Variants in INF2 observed in about 807,000 individuals in gnomAD.
INF2 encodes inverted formin 2, also known as inverted formin-2.
INF2 carries 43 observed loss-of-function variants against 123.5 expected under a neutral mutation model. The observed-to-expected ratio is 0.35, with a 90% CI of 0.27 to 0.45. The LOEUF (loss-of-function observed/expected upper bound fraction) is 0.45, where lower values mean the gene tolerates loss of function less well. Among genes scored for constraint, INF2 ranks in the 20% least tolerant of loss-of-function variants. The pLI is 1.00. For missense variants in INF2, 1,453 were observed against 1,682.7 expected (o/e 0.86, Z 2.39); for synonymous variants, 851 against 745.0 (o/e 1.14, Z -2.32).
At chr14:104,711,499 GA>G (rs1284631800) in intron 15 of INF2, 129 bp from the exon 16 acceptor site, 9 of 810,856 alleles carry the variant, frequency 1.1e-5, no homozygotes, top group Non-Finnish European at 1.9e-5. Context: ...GGAAAGATTT[GA>G]GGGTCTGGAG....
intron 5 of INF2, among the ~76,000 whole-genome samples, chr14:104,705,256 A>G (rs751728739): frequency 3.9e-5 from 6 of 152,168 alleles, no homozygotes; most frequent in Non-Finnish European, 7.4e-5. Flanking sequence ...ATCTCTACTA[A>G]AAGTACAAAA....
intron 1 of INF2, among the ~76,000 whole-genome samples, chr14:104,701,097 C>T (rs1278314689): frequency 6.6e-6 from 1 of 152,192 alleles, no homozygotes; most frequent in Non-Finnish European, 1.5e-5. Context: ...CCTCCCAGCC[C>T]TGAGCCTCGG....
Position 104,701,663 on chromosome 14 carries a change from AC to A in INF2, c.300del (p.Cys101AlafsTer9). ...ARISDALLQL[T>X]CVSCVRAVMN... The stretch of plus-strand genomic sequence containing the variant: ...TATCTCCGACGCCCTGCTGCAGCTC[AC>A]CTGCGTCAGCTGCGTGCGCGCCGTC... On this transcript the variant is annotated frameshift_variant, in exon 2 of 23. Coordinates refer to ENST00000392634, the MANE Select transcript of INF2 (RefSeq NM_022489.4). LOFTEE classifies it high-confidence loss of function. The A allele has an allele frequency of 6.3e-7, 1 of 1,592,694 alleles. No homozygotes were observed. Among genetic ancestry groups the A allele is most frequent in the Non-Finnish European group, 8.5e-7 (1 of 1,171,030 alleles).
chr14:104,693,221 G>A (rs560501333), intron 1 of INF2, among the ~76,000 whole-genome samples: 1 of 152,356 alleles, frequency 6.6e-6, no homozygotes, highest in Non-Finnish European at 1.5e-5. Flanking sequence ...TGCTTCCTGT[G>A]ACCTGGACAC....
In INF2 at chr14:104,707,525, ACCCCACCCCCACCCCCAC is replaced by A. The variant is rs573567814; in HGVS notation, c.1268_1285del (p.Pro423_Pro428del). 3.2e-5 allele frequency: 44 copies of A among 1,380,548 alleles called. No homozygotes were observed. The African/African-American group carries it at 6.0e-4, about 19-fold the overall frequency. 85.5% of individuals were successfully genotyped at this position (1,380,548 alleles called of 1,614,324 possible). On this transcript the variant is annotated inframe_deletion, in exon 8 of 23. Coordinates refer to ENST00000392634, the MANE Select transcript of INF2 (RefSeq NM_022489.4). ...CAGAGCCCTGGAGCAGCAGGCGTCC[ACCCCACCCCCACCCCCAC>A]CCCCACCCCTGCTCCCTGGTTCCAG...
chr14:104,681,342 TG>T, exon 1 of INF2: 1 of 438,106 alleles, frequency 2.3e-6, no homozygotes, highest in Admixed American at 2.4e-5. Context: ...AACATTCTCC[TG>T]GACGCCACCC....
At position 104,684,214 on chromosome 14, in the gene INF2, C is replaced by A; in HGVS notation, c.-104+2632C>A. 2.2e-6 allele frequency: 1 copy of A among 446,500 alleles called. No homozygotes were observed. The highest frequency in any genetic ancestry group is 4.5e-6 in the Non-Finnish European group (1 of 220,482). 27.7% of individuals were successfully genotyped at this position (446,500 alleles called of 1,614,324 possible). A position where few individuals can be genotyped will look rare whatever the true frequency, so the allele number is the denominator to read the frequency against. On this transcript the variant is annotated intron_variant, in intron 1 of 2. Coordinates refer to the INF2 transcript ENST00000674723. This position sits in a 1 kb window ranked among gnomAD's most constrained non-coding sequence, Gnocchi z 5.0. ...CTGGACTCCCACCAGACAACTGAGG[C>A]AACCGAGAAGGAGGCTGGGGAGGGA...
chr14:104,699,494 G>C lies in INF2; in HGVS notation c.-9-1863G>C, dbSNP rs2140628923. The C allele has an allele frequency of 1.0e-6, 1 of 985,348 alleles. No individual in the cohort carries two copies. The allele number at this position is 985,348 out of a possible 1,614,324, so 61.0% of individuals were successfully genotyped here. ...GGGAGGGACCCGGCTGTCTCTGGCA[G>C]CTCAGCGGTCAGCAGCGATGAGAAG... On this transcript the variant is annotated intron_variant, in intron 1 of 22. Transcript: ENST00000392634. The surrounding 1 kb of genome is among the most constrained non-coding windows in gnomAD (Gnocchi z 4.7).
At chr14:104,698,157 G>C (rs1889283340) in intron 1 of INF2, among the ~76,000 whole-genome samples, 1 of 152,272 alleles carries the variant, frequency 6.6e-6, no homozygotes, top group Admixed American at 6.5e-5. Context: ...TTTCCAGATG[G>C]AGAGCAGAGG....
In INF2 at chr14:104,707,670, C is replaced by T. The variant is rs1415783816; in HGVS notation, c.1403C>T (p.Ala468Val). ...CCCCCACCCCTGCCAGGCCTGGGGGCCATGGCCCCCCCAGCACCTCCTCTA... is the reference window on the plus strand; with the variant it reads ...CCCCCACCCCTGCCAGGCCTGGGGGTCATGGCCCCCCCAGCACCTCCTCTA... ...PPPPPLPGLGAMAPPAPPLPP... is the reference protein window; with the variant it reads ...PPPPPLPGLGVMAPPAPPLPP... The change falls in exon 8 of 23, where the codon GCC becomes GTC. Residue 468 changes from alanine (A) to valine (V), a missense_variant. Physicochemically the swap from Ala to Val is moderately conservative, Grantham distance 64 (BLOSUM62 0). Around this residue, in one of 8 missense-constraint regions of INF2, gnomAD observed 374 missense variants for 303.7 expected, o/e 1.23. Coordinates refer to ENST00000392634, the MANE Select transcript of INF2 (RefSeq NM_022489.4). 2 of 722,808 alleles carry T rather than the reference C, an allele frequency of 2.8e-6. No individual in the cohort carries two copies. Among genetic ancestry groups the T allele is most frequent in the Non-Finnish European group, 2.1e-6 (1 of 477,830 alleles). 44.8% of individuals were successfully genotyped at this position (722,808 alleles called of 1,614,324 possible). A position where few individuals can be genotyped will look rare whatever the true frequency, so the allele number is the denominator to read the frequency against.
chr14:104,707,206 C>T (rs991134665), intron 7 of INF2, 47 bp from the exon 8 acceptor site: 8 of 1,564,974 alleles, frequency 5.1e-6, no homozygotes, highest in Middle Eastern at 1.7e-4. Flanking sequence ...CCCATCCCTC[C>T]CTCTCCGGCT....
At chr14:104,715,993 G>A (rs1046467166) in intron 22 of INF2, 12 of 455,350 alleles carry the variant, frequency 2.6e-5, no homozygotes, top group Non-Finnish European at 4.4e-5. Context: ...TCTGGGGGGC[G>A]ACCAGCCAAA....
At chr14:104,717,595 T>C (rs1029260855) in intron 22 of INF2, 5 of 152,272 alleles carry the variant, frequency 3.3e-5, no homozygotes, top group African/African-American at 1.2e-4. Flanking sequence ...TTGTATGACA[T>C]TGACGTTCTG....
rs778186116 is a variant in INF2, at chr14:104,712,469, C to T, written c.2526C>T (p.Ser842=). Residue 842 remains serine, a synonymous_variant, in exon 17 of 23, where the codon TCC becomes TCT. Coordinates refer to ENST00000392634, the MANE Select transcript of INF2 (RefSeq NM_022489.4). Reference sequence around the variant, plus strand: ...AGATCATCCGCTCAGAGGCCAGCTCCAACCTGAAGAAGCTTCTGGAGACCG... The same window carrying T: ...AGATCATCCGCTCAGAGGCCAGCTCTAACCTGAAGAAGCTTCTGGAGACCG... ...NLEIIRSEAS[S]NLKKLLETER... is the part of the protein sequence containing the mutation. 1 of 1,612,690 alleles carries T rather than the reference C, an allele frequency of 6.2e-7. No homozygotes were observed. Among genetic ancestry groups the T allele is most frequent in the Non-Finnish European group, 8.5e-7 (1 of 1,179,816 alleles).
intron 5 of INF2, among the ~76,000 whole-genome samples, chr14:104,705,021 G>A (rs1304217393): frequency 8.1e-6 from 1 of 122,846 alleles, no homozygotes; most frequent in South Asian, 2.3e-4. Context: ...ACATAGCTGA[G>A]AAGCTCTATC....
chr14:104,681,737 G>A (rs1244256122), intron 1 of INF2, among the ~76,000 whole-genome samples: 1 of 152,252 alleles, frequency 6.6e-6, no homozygotes, highest in Non-Finnish European at 1.5e-5. Context: ...GGACAGCCTG[G>A]GGTTCACTCA....
At chr14:104,681,856 A>C (rs1888530667) in intron 1 of INF2, among the ~76,000 whole-genome samples, 1 of 152,182 alleles carries the variant, frequency 6.6e-6, no homozygotes, top group South Asian at 2.1e-4. Flanking sequence ...CTGGACGTTG[A>C]AGTCTAACTG....
Position 104,719,002 on chromosome 14 carries a change from G to C in INF2, c.*209G>C. The C allele has an allele frequency of 7.9e-7, 1 of 1,268,096 alleles. No individual in the cohort carries two copies. The highest frequency in any genetic ancestry group is 1.0e-6 in the Non-Finnish European group (1 of 956,448). The allele number at this position is 1,268,096 out of a possible 1,614,324, so 78.6% of individuals were successfully genotyped here. ...AGGCACCAGTGCCCTGCCAGGCCTG[G>C]TGCCCTCCTGGACCGCCTGCACGTG... On this transcript the variant is annotated 3_prime_UTR_variant, in exon 23 of 23. Coordinates refer to ENST00000392634, the MANE Select transcript of INF2 (RefSeq NM_022489.4).
At chr14:104,702,585 C>G (rs1889579317) in intron 2 of INF2, among the ~76,000 whole-genome samples, 1 of 152,248 alleles carries the variant, frequency 6.6e-6, no homozygotes, top group African/African-American at 2.4e-5. Context: ...TGCAGGCAAG[C>G]AAGCCAGAGG....
Sources: gnomAD v4.1 joint callset for allele counts (sites outside exome capture counted in the v4.1 genomes callset) on GRCh38, gnomAD v4.1.1 for gene constraint, gnomAD v4.1.1 regional missense constraint, Gnocchi (gnomAD v3.1) non-coding constraint, MANE v1.5 for transcripts, NCBI Gene and HGNC (gene_info 2026-07-23, HGNC 2026-07-21) for gene names.